Variants in ZNF440 observed in about 807,000 individuals in gnomAD.
The protein encoded by ZNF440 is zinc finger protein 440.
A neutral mutation model predicts 49.7 loss-of-function variants in ZNF440; 47 were observed. The ratio of observed to expected loss-of-function variants is 0.95; its 90% CI spans 0.75 to 1.21. The LOEUF (loss-of-function observed/expected upper bound fraction) is 1.21. ZNF440 is among the 50% of genes most tolerant of loss of function. The probability of loss-of-function intolerance (pLI) is 0.00; values close to 1 mark genes in which losing one functional copy is unlikely to be tolerated. For synonymous variants in ZNF440, 255 were observed against 237.7 expected, an observed-to-expected ratio of 1.07 and a Z score of -0.67; for missense variants, 703 against 715.0, an observed-to-expected ratio of 0.98 and a Z score of 0.19.
chr19:11,828,648 C>T (rs1329264808), intron 1 of ZNF440, among the ~76,000 whole-genome samples: 2 of 151,024 alleles, frequency 1.3e-5, no homozygotes, highest in Non-Finnish European at 2.9e-5. Flanking sequence ...AGGTGTCATG[C>T]ATGTTGTAGT....
chr19:11,830,131 T>G, intron 1 of ZNF440, 152 bp from the exon 2 acceptor site: 2 of 1,442,282 alleles, frequency 1.4e-6, no homozygotes, highest in Non-Finnish European at 9.3e-7. Flanking sequence ...TGGAAGAAAG[T>G]AAGTATACAC....
At chr19:11,815,284 TCA>T (rs3223082) in intron 1 of ZNF440, among the ~76,000 whole-genome samples, 9,370 of 120,890 alleles carry the variant, frequency 0.078, 575 homozygotes, top group East Asian at 0.21. Context: ...GGCAACTCCG[TCA>T]CACACACACA....
Position 11,830,682 on chromosome 19 carries a change from T to A in ZNF440, c.191+5T>A. ...AAACCCCAGGAGAAACTTCAGGTAA[T>A]TTGTACTTACAAGACAAAGCAGTGT... is the stretch of plus-strand genomic sequence containing the variant. On this transcript the variant is annotated splice_donor_5th_base_variant and intron_variant, in intron 3 of 3. Coordinates refer to ENST00000304060, the MANE Select transcript of ZNF440 (RefSeq NM_152357.3). 6.2e-7 allele frequency: 1 copy of A among 1,613,802 alleles called. No homozygotes were observed. Among genetic ancestry groups the A allele is most frequent in the South Asian group, 1.1e-5 (1 of 91,046 alleles).
At chr19:11,815,299 CA>C (rs1975719375) in intron 1 of ZNF440, among the ~76,000 whole-genome samples, 1 of 150,708 alleles carries the variant, frequency 6.6e-6, no homozygotes, top group Non-Finnish European at 1.5e-5. Flanking sequence ...CACACACACA[CA>C]CACACACACA....
At chr19:11,831,262 C>G in intron 3 of ZNF440, 106 bp from the exon 4 acceptor site, 1 of 1,414,558 alleles carries the variant, frequency 7.1e-7, no homozygotes, top group Non-Finnish European at 9.5e-7. Context: ...GGGCAGAAAG[C>G]CTACACTTTG....
rs200740915 is a variant in ZNF440 at position 11,832,030 on chromosome 19, A to G, written c.854A>G (p.Gln285Arg). 9 of 1,614,146 alleles carry G rather than the reference A, an allele frequency of 5.6e-6. No homozygotes were observed. The highest frequency in any genetic ancestry group is 7.6e-6 in the Non-Finnish European group (9 of 1,180,010). The change falls in exon 4 of 4, where the codon CAA becomes CGA. Residue 285 changes from glutamine (Q) to arginine (R), a missense_variant. Physicochemically the swap from Gln to Arg is conservative, Grantham distance 43. Transcript: ENST00000304060. ...ATTCACATGGGAGAAAAGGCTTATC[A>G]ATGTAAGGAATGTGGAAAAGCATTC... is the stretch of plus-strand genomic sequence containing the variant. Reference protein sequence around the residue: ...ERIHMGEKAYQCKECGKAFTC... With the variant: ...ERIHMGEKAYRCKECGKAFTC...
At chr19:11,827,434 A>G (rs1010880953) in intron 1 of ZNF440, 1 of 152,166 alleles carries the variant, frequency 6.6e-6, no homozygotes, top group Admixed American at 6.5e-5. Flanking sequence ...TTTGGGTACC[A>G]GTTCTTGATC....
At chr19:11,819,200 T>A (rs866452412) in intron 1 of ZNF440, among the ~76,000 whole-genome samples, 1 of 152,006 alleles carries the variant, frequency 6.6e-6, no homozygotes, top group African/African-American at 2.4e-5. Context: ...AGGGAAAGGG[T>A]CTTTCCTGTT....
chr19:11,814,653 C>T (rs1975709769), intron 1 of ZNF440, among the ~76,000 whole-genome samples: 1 of 152,174 alleles, frequency 6.6e-6, no homozygotes, highest in African/African-American at 2.4e-5. Context: ...GCCCCGGCTC[C>T]GGAGCCTAAT....
rs761412705 is a variant in ZNF440 at position 11,831,641 on chromosome 19, C to T, written c.465C>T (p.Tyr155=). The change falls in exon 4 of 4, where the codon TAC becomes TAT. Residue 155 remains tyrosine (Y), a synonymous_variant. Transcript: ENST00000304060. ...KCQQPKKAFR[Y]RPSFRTQERD... ...AACAACCTAAAAAAGCCTTCAGATACCGCCCCTCCTTTAGAACACAAGAAA... is the reference window on the plus strand; with the variant it reads ...AACAACCTAAAAAAGCCTTCAGATATCGCCCCTCCTTTAGAACACAAGAAA... The T allele has an allele frequency of 5.6e-6, 9 of 1,614,014 alleles. No homozygotes were observed. Among genetic ancestry groups the T allele is most frequent in the Admixed American group, 3.3e-5 (2 of 60,000 alleles).
chr19:11,834,218 C>T lies in ZNF440; in HGVS notation c.*1254C>T. 4.4e-6 allele frequency: 1 copy of T among 227,890 alleles called. No homozygotes were observed. Among genetic ancestry groups the T allele is most frequent in the Non-Finnish European group, 8.8e-6 (1 of 113,528 alleles). The allele number at this position is 227,890 out of a possible 1,614,324, so 14.1% of individuals were successfully genotyped here. ...CTCAGGTCACTGCAACCTCTGCCTC[C>T]AGGGTTCAAGCAATTCTCCTGCCTC... is the stretch of plus-strand genomic sequence containing the variant. On this transcript the variant is annotated 3_prime_UTR_variant, in exon 4 of 4. Coordinates refer to ENST00000304060, the MANE Select transcript of ZNF440 (RefSeq NM_152357.3).
chr19:11,830,101 A>T, intron 1 of ZNF440, 182 bp from the exon 2 acceptor site: 1 of 1,330,646 alleles, frequency 7.5e-7, no homozygotes, highest in Non-Finnish European at 1.0e-6. Context: ...CAAGAGTGAA[A>T]AAAAAAACAA....
At chr19:11,827,063 T>C (rs1975875720) in intron 1 of ZNF440, among the ~76,000 whole-genome samples, 1 of 141,208 alleles carries the variant, frequency 7.1e-6, no homozygotes, top group Non-Finnish European at 1.5e-5. Context: ...TTGGAAAGAT[T>C]GGGCTTTTTT....
intron 1 of ZNF440, among the ~76,000 whole-genome samples, chr19:11,815,284 TCACACACACACACACACACACACA>T (rs3223082): frequency 8.3e-6 from 1 of 121,062 alleles, no homozygotes; most frequent in East Asian, 2.3e-4. Context: ...GGCAACTCCG[TCACACACACACACACACACACACA>T]CACACACACA....
rs573543742 is a variant in ZNF440, at chr19:11,833,029, A to G, written c.*65A>G. On this transcript the variant is annotated 3_prime_UTR_variant, in exon 4 of 4. Coordinates refer to ENST00000304060, the MANE Select transcript of ZNF440 (RefSeq NM_152357.3). ...GGAGGGGCTTTTATTCTGCCAAGTCATTTCAAATACATGAAAAATCTTACA... is the reference window on the plus strand; with the variant it reads ...GGAGGGGCTTTTATTCTGCCAAGTCGTTTCAAATACATGAAAAATCTTACA... 6 of 1,597,908 alleles carry G rather than the reference A, an allele frequency of 3.8e-6. No individual in the cohort carries two copies. In the Admixed American group the frequency reaches 7.2e-5, roughly 19 times the overall value.
intron 1 of ZNF440, among the ~76,000 whole-genome samples, chr19:11,819,620 G>A (rs991736335): frequency 6.6e-6 from 1 of 152,076 alleles, no homozygotes; most frequent in African/African-American, 2.4e-5. Context: ...GGCTGGCCTC[G>A]AACTCCTGGC....
chr19:11,829,920 G>T, intron 1 of ZNF440: 1 of 190,716 alleles, frequency 5.2e-6, no homozygotes, highest in Non-Finnish European at 1.1e-5. Flanking sequence ...GATCACCTGA[G>T]GTCGGCAGCC....
In ZNF440 at chr19:11,814,404, C is replaced by T. The variant is rs1244988924; in HGVS notation, c.-44C>T. 3.2e-6 allele frequency: 5 copies of T among 1,558,084 alleles called. No homozygotes were observed. The Admixed American group carries it at 7.5e-5, about 23-fold the overall frequency. On this transcript the variant is annotated 5_prime_UTR_variant, in exon 1 of 4. Transcript: ENST00000304060. Reference sequence around the variant, plus strand: ...CCTGCACTGTGACCTACACTAGTCGCGGGAGCCACGCAGAGGACGCCGGAA... The same window carrying T: ...CCTGCACTGTGACCTACACTAGTCGTGGGAGCCACGCAGAGGACGCCGGAA...
chr19:11,829,524 G>A (rs963420188), intron 1 of ZNF440, among the ~76,000 whole-genome samples: 44 of 151,878 alleles, frequency 2.9e-4, no homozygotes, highest in Admixed American at 2.4e-3. Flanking sequence ...CTATGAATTC[G>A]TAGGACTCTA....
Sources: gnomAD v4.1 joint callset for allele counts (sites outside exome capture counted in the v4.1 genomes callset) on GRCh38, gnomAD v4.1.1 for gene constraint, MANE v1.5 for transcripts, NCBI Gene and HGNC (gene_info 2026-07-23, HGNC 2026-07-21) for gene names.